Variants in RBFOX1 observed in about 807,000 individuals in gnomAD.
RBFOX1 encodes RNA binding fox-1 homolog 1, also known as RNA binding protein fox-1 homolog 1.
RBFOX1 carries 8 observed loss-of-function variants against 57.7 expected under a neutral mutation model. That is an observed-to-expected ratio of 0.14 (90% CI 0.08 to 0.25). The LOEUF (loss-of-function observed/expected upper bound fraction) is 0.25. Ranked by LOEUF, RBFOX1 falls within the 10% of genes least tolerant of loss-of-function variation. RBFOX1 has a pLI of 1.00. For synonymous variants in RBFOX1, 326 were observed against 222.4 expected, an observed-to-expected ratio of 1.47 and a Z score of -4.15; for missense variants, 611 against 548.5, an observed-to-expected ratio of 1.11 and a Z score of -1.14.
At chr16:5,444,891 C>T (rs747536311) in intron 1 of RBFOX1, among the ~76,000 whole-genome samples, 1 of 152,180 alleles carries the variant, frequency 6.6e-6, no homozygotes, top group East Asian at 1.9e-4. Flanking sequence ...TATGCTGTTA[C>T]TAGCCCTATT....
At chr16:5,489,363 G>C (rs1415005265) in intron 2 of RBFOX1, among the ~76,000 whole-genome samples, 7 of 152,236 alleles carry the variant, frequency 4.6e-5, no homozygotes, top group Non-Finnish European at 1.0e-4. Flanking sequence ...TTAATGTCCA[G>C]GGCTCACCTC....
At chr16:6,075,227 G>C (rs1322312121) in intron 1 of RBFOX1, among the ~76,000 whole-genome samples, 1 of 152,204 alleles carries the variant, frequency 6.6e-6, no homozygotes, top group Non-Finnish European at 1.5e-5. Context: ...TGAGTACTTT[G>C]CAATGCCATT....
At chr16:5,380,451 C>T (rs184517488) in intron 1 of RBFOX1, among the ~76,000 whole-genome samples, 5 of 152,252 alleles carry the variant, frequency 3.3e-5, no homozygotes, top group African/African-American at 4.8e-5. Context: ...CTGCTGTGAT[C>T]GTCTTTATAC....
intron 1 of RBFOX1, among the ~76,000 whole-genome samples, chr16:5,359,229 G>A (rs1314096688): frequency 3.3e-5 from 5 of 152,194 alleles, no homozygotes; most frequent in Non-Finnish European, 4.4e-5. Flanking sequence ...TGGACAGTTA[G>A]GTTGCTTTCA....
At chr16:6,846,421 G>A (rs556824234) in intron 3 of RBFOX1, among the ~76,000 whole-genome samples, 1 of 152,134 alleles carries the variant, frequency 6.6e-6, no homozygotes, top group African/African-American at 2.4e-5. Flanking sequence ...ACATGGACAA[G>A]GACAAACAAG....
intron 3 of RBFOX1, among the ~76,000 whole-genome samples, chr16:7,050,533 T>C (rs1283635788): frequency 1.3e-5 from 2 of 152,188 alleles, no homozygotes; most frequent in Admixed American, 6.5e-5. Context: ...CCCAAAGTGC[T>C]GGGATTACAG....
chr16:6,536,788 A>G (rs1812061536), intron 2 of RBFOX1, among the ~76,000 whole-genome samples: 1 of 152,190 alleles, frequency 6.6e-6, no homozygotes, highest in Admixed American at 6.5e-5. Flanking sequence ...AGAAGTTAGT[A>G]ACATTGATCT....
chr16:6,814,449 G>C, intron 3 of RBFOX1, among the ~76,000 whole-genome samples: 1 of 152,164 alleles, frequency 6.6e-6, no homozygotes, highest in Non-Finnish European at 1.5e-5. Flanking sequence ...AAGCAGGTGG[G>C]TGAACAAGGT....
intron 4 of RBFOX1, among the ~76,000 whole-genome samples, chr16:5,949,015 T>C (rs1008669987): frequency 2.0e-5 from 3 of 152,210 alleles, no homozygotes; most frequent in South Asian, 4.1e-4. Flanking sequence ...TGTTTGTGTG[T>C]CTACGTGCGT....
At position 6,994,945 on chromosome 16, in the gene RBFOX1, TTGTGTGTGTG is replaced by T. The variant is rs145095044; in HGVS notation, c.-15-57092_-15-57083del. 8.1e-5 allele frequency among the ~76,000 whole-genome samples: 12 copies of T among 148,104 alleles called. No individual in the cohort carries two copies. The East Asian group carries it at 1.4e-3, about 18-fold the overall frequency. On this transcript the variant is annotated intron_variant, in intron 3 of 15. Transcript: ENST00000550418. ...TTGGGCATGTGATTCTTGCATTATT[TTGTGTGTGTG>T]TGTGTGTGTGTGTGTGTGTTGGTCA...
chr16:6,209,286 C>T (rs1258493195), intron 1 of RBFOX1, among the ~76,000 whole-genome samples: 1 of 152,196 alleles, frequency 6.6e-6, no homozygotes, highest in East Asian at 1.9e-4. Context: ...CCTAACTTTT[C>T]AGCTGTCTTT....
In RBFOX1 at chr16:5,827,841, C is replaced by T. The variant is rs574006445; in HGVS notation, c.319-39462C>T. Among the ~76,000 whole-genome samples, 580 of 152,112 alleles carry T rather than the reference C, an allele frequency of 3.8e-3. 3 individuals are homozygous for T. The highest frequency in any genetic ancestry group is 0.02 in the Middle Eastern group (6 of 294). ...CTCACCCATCCACCTGGCCATCCAT[C>T]CATCCACCCACCCACTCATCCAGGC... On this transcript the variant is annotated intron_variant, in intron 3 of 19. Coordinates refer to the RBFOX1 transcript ENST00000641259.
chr16:6,861,477 C>T (rs972254305), intron 3 of RBFOX1, among the ~76,000 whole-genome samples: 3 of 131,002 alleles, frequency 2.3e-5, no homozygotes, highest in African/African-American at 7.7e-5. Flanking sequence ...TGATTCCCCT[C>T]CCAACCCCCT....
intron 4 of RBFOX1, among the ~76,000 whole-genome samples, chr16:7,098,564 C>T (rs1166752825): frequency 6.6e-6 from 1 of 152,194 alleles, no homozygotes; most frequent in African/African-American, 2.4e-5. Flanking sequence ...CATCAGCACC[C>T]TTAAACATAT....
chr16:5,764,846 A>G (rs1185455100), intron 3 of RBFOX1, among the ~76,000 whole-genome samples: 3 of 152,204 alleles, frequency 2.0e-5, no homozygotes, highest in Non-Finnish European at 4.4e-5. Context: ...TACCAGCCAC[A>G]GAAGCAGGCA....
At chr16:6,924,668 ATTC>A (rs2075188812) in intron 3 of RBFOX1, among the ~76,000 whole-genome samples, 2 of 146,174 alleles carry the variant, frequency 1.4e-5, no homozygotes, top group African/African-American at 5.0e-5. Flanking sequence ...TTCTACCTTT[ATTC>A]TTTTTTTTTT....
At chr16:7,460,389 A>ATATATATATATG in intron 4 of RBFOX1, among the ~76,000 whole-genome samples, 16 of 87,216 alleles carry the variant, frequency 1.8e-4, no homozygotes, top group African/African-American at 7.8e-4. Flanking sequence ...ATATATATAT[A>ATATATATATATG]TGTGTGTGTG....
At chr16:5,570,085 C>T (rs2046226703) in intron 2 of RBFOX1, among the ~76,000 whole-genome samples, 1 of 152,228 alleles carries the variant, frequency 6.6e-6, no homozygotes, top group African/African-American at 2.4e-5. Context: ...GAAATACACA[C>T]AGTGTCACAG....
At chr16:5,986,735 A>G (rs2060294019) in intron 4 of RBFOX1, among the ~76,000 whole-genome samples, 2 of 152,194 alleles carry the variant, frequency 1.3e-5, no homozygotes, top group South Asian at 2.1e-4. Flanking sequence ...TCATTGCTGA[A>G]TAGTGTCCCA....
Sources: allele counts gnomAD v4.1 joint callset (sites outside exome capture counted in the v4.1 genomes callset), GRCh38; gene constraint gnomAD v4.1.1; transcripts MANE v1.5; gene names NCBI Gene and HGNC (gene_info 2026-07-23, HGNC 2026-07-21).